The following SYT14 variants were observed in gnomAD, a reference collection of about 807,000 sequenced individuals.
The protein encoded by SYT14 is synaptotagmin 14.
A neutral mutation model predicts 74.2 loss-of-function variants in SYT14; 32 were observed. The observed-to-expected ratio is 0.43, with a 90% CI of 0.33 to 0.58. SYT14 has a LOEUF of 0.58. Ranked by LOEUF, SYT14 falls within the 20% of genes least tolerant of loss-of-function variation. The pLI, the probability that SYT14 is intolerant of heterozygous loss-of-function variation, is 0.05. For missense variants in SYT14, 791 were observed against 981.8 expected (o/e 0.81, Z 2.60); for synonymous variants, 298 against 337.7 (o/e 0.88, Z 1.29).
chr1:210,058,621 C>T (rs973086841), intron 5 of SYT14, among the ~76,000 whole-genome samples: 2 of 152,156 alleles, frequency 1.3e-5, no homozygotes, highest in African/African-American at 4.8e-5. Flanking sequence ...AGCTGAATAT[C>T]ACCCAAATGA....
At chr1:209,982,982 T>C (rs1293731391) in intron 2 of SYT14, among the ~76,000 whole-genome samples, 1 of 152,162 alleles carries the variant, frequency 6.6e-6, no homozygotes, top group East Asian at 1.9e-4. Context: ...TAATTTGCTA[T>C]ATGCTTATCG....
chr1:210,078,515 A>T (rs569252695), intron 5 of SYT14, among the ~76,000 whole-genome samples: 1 of 152,168 alleles, frequency 6.6e-6, no homozygotes, highest in East Asian at 1.9e-4. Context: ...GTTATTGCAC[A>T]TACTAAGAAT....
intron 2 of SYT14, among the ~76,000 whole-genome samples, chr1:209,957,079 C>T (rs900360239): frequency 6.6e-6 from 1 of 152,082 alleles, no homozygotes; most frequent in African/African-American, 2.4e-5. Flanking sequence ...CTTATGCTGA[C>T]TGAGTTATGC....
exon 10 of SYT14, chr1:210,164,225 C>T: frequency 6.8e-6 from 2 of 293,300 alleles, no homozygotes; most frequent in Non-Finnish European, 1.4e-5. Context: ...TCTTACTGTG[C>T]ATTTAGTGAA....
chr1:210,135,990 T>C (rs1261981773), intron 7 of SYT14, among the ~76,000 whole-genome samples: 2 of 152,196 alleles, frequency 1.3e-5, no homozygotes, highest in African/African-American at 4.8e-5. Context: ...TGGCCATAGG[T>C]AGTTTGGGAT....
intron 7 of SYT14, among the ~76,000 whole-genome samples, chr1:210,102,701 C>T (rs1213482354): frequency 6.6e-6 from 1 of 152,072 alleles, no homozygotes; most frequent in Non-Finnish European, 1.5e-5. Flanking sequence ...CAGGGTCTCA[C>T]TCTGGGAAAA....
At chr1:210,042,344 TG>T (rs2080806822) in intron 5 of SYT14, among the ~76,000 whole-genome samples, 1 of 152,234 alleles carries the variant, frequency 6.6e-6, no homozygotes, top group Admixed American at 6.5e-5. Flanking sequence ...AAGTTTCTTT[TG>T]CTGTGCAGAA....
At chr1:209,957,222 G>A (rs758134638) in intron 2 of SYT14, among the ~76,000 whole-genome samples, 2 of 151,910 alleles carry the variant, frequency 1.3e-5, no homozygotes, top group African/African-American at 4.8e-5. Context: ...AGCCCCCATT[G>A]CTGTCTTCTC....
At chr1:209,996,473 C>T (rs1427528511) in intron 2 of SYT14, among the ~76,000 whole-genome samples, 1 of 151,966 alleles carries the variant, frequency 6.6e-6, no homozygotes, top group African/African-American at 2.4e-5. Context: ...ACTCTACTAA[C>T]CAAAACAAAA....
chr1:209,957,588 G>A (rs572086797), intron 2 of SYT14, among the ~76,000 whole-genome samples: 51 of 151,788 alleles, frequency 3.4e-4, no homozygotes, highest in Non-Finnish European at 6.3e-4. Flanking sequence ...CACCATGCCC[G>A]GCTAATTTTT....
chr1:210,060,707 T>C (rs2081191909), intron 5 of SYT14, among the ~76,000 whole-genome samples: 1 of 152,068 alleles, frequency 6.6e-6, no homozygotes, highest in South Asian at 2.1e-4. Context: ...TGGGCCATGC[T>C]GCTATTATTG....
At chr1:210,041,145 G>A (rs1243883297) in intron 5 of SYT14, among the ~76,000 whole-genome samples, 1 of 152,188 alleles carries the variant, frequency 6.6e-6, no homozygotes, top group African/African-American at 2.4e-5. Flanking sequence ...TGGGATGCCG[G>A]TGCCAAAGAT....
At chr1:209,946,863 T>C (rs1297658545) in intron 1 of SYT14, among the ~76,000 whole-genome samples, 1 of 152,200 alleles carries the variant, frequency 6.6e-6, no homozygotes, top group African/African-American at 2.4e-5. Context: ...ACTCTCTTGT[T>C]AGGGGCTGAT....
intron 2 of SYT14, among the ~76,000 whole-genome samples, chr1:210,005,175 A>G (rs1016090889): frequency 2.6e-5 from 4 of 152,022 alleles, no homozygotes; most frequent in Admixed American, 2.6e-4. Context: ...TTCAAAATGG[A>G]TCAGGCTTAG....
chr1:209,954,504 C>G (rs940146186), intron 2 of SYT14, among the ~76,000 whole-genome samples: 4 of 152,106 alleles, frequency 2.6e-5, no homozygotes, highest in Non-Finnish European at 4.4e-5. Context: ...TCTGTTTATC[C>G]TCTCAGCATT....
At chr1:210,086,539 C>T (rs1466110983) in intron 5 of SYT14, among the ~76,000 whole-genome samples, 5 of 152,202 alleles carry the variant, frequency 3.3e-5, no homozygotes, top group Non-Finnish European at 5.9e-5. Context: ...ACTTTCAATA[C>T]ACAGACTCTT....
chr1:209,963,828 G>A (rs2079113104), intron 2 of SYT14, among the ~76,000 whole-genome samples: 1 of 152,140 alleles, frequency 6.6e-6, no homozygotes, highest in Non-Finnish European at 1.5e-5. Context: ...TAAAATATGG[G>A]CTTCTTTAAA....
rs143514932 is a variant in SYT14 at position 210,146,899 on chromosome 1, C to A, written c.2035-8822C>A. Among the ~76,000 whole-genome samples the A allele has an allele frequency of 6.2e-3, 936 of 151,242 alleles. 7 individuals carry two copies. The highest frequency in any genetic ancestry group is 0.021 in the African/African-American group (863 of 41,194). On this transcript the variant is annotated intron_variant, in intron 7 of 9. Transcript: ENST00000637265. ...ATATATGGTCTCAGGAGATCGAGAC[C>A]ATCTCCACTACTTCTTTCCTTAAAA...
intron 1 of SYT14, among the ~76,000 whole-genome samples, chr1:209,939,043 T>C (rs1350416649): frequency 6.6e-6 from 1 of 152,234 alleles, no homozygotes; most frequent in Non-Finnish European, 1.5e-5. Flanking sequence ...AAAAATTAAG[T>C]TCCTAGATAA....
Sources: allele counts gnomAD v4.1 joint callset (sites outside exome capture counted in the v4.1 genomes callset), GRCh38; gene constraint gnomAD v4.1.1; transcripts MANE v1.5; gene names NCBI Gene and HGNC (gene_info 2026-07-23, HGNC 2026-07-21).